SCUBE3: variants seen among roughly 807,000 people sequenced by gnomAD.
SCUBE3 encodes the protein signal peptide, CUB and EGF-like domain-containing protein 3.
A neutral mutation model predicts 116.8 loss-of-function variants in SCUBE3; 33 were observed. The observed-to-expected ratio is 0.28, with a 90% CI of 0.21 to 0.38. SCUBE3 has a LOEUF of 0.38. Ranked by LOEUF, SCUBE3 falls within the 10% of genes least tolerant of loss-of-function variation. The pLI is 1.00. For synonymous variants in SCUBE3, 418 were observed against 496.9 expected (o/e 0.84, Z 2.11); for missense variants, 1,007 against 1,324.8 (o/e 0.76, Z 3.72).
Position 35,244,801 on chromosome 6 carries a change from C to G in SCUBE3, c.2391C>G (p.Ala797=). The G allele has an allele frequency of 6.2e-7, 1 of 1,614,142 alleles. No individual in the cohort carries two copies. Among genetic ancestry groups the G allele is most frequent in the Non-Finnish European group, 8.5e-7 (1 of 1,180,012 alleles). ...ACTTTGATGGCTCTACCAGTGTGGC[C>G]CAATGCAAGAGTACGTGGCAAGCCA... ...STDFDGSTSV[A]QCKNRQCGGE... is the part of the protein sequence containing the mutation. The change falls in exon 18 of 22, where the codon GCC becomes GCG. Residue 797 remains alanine, a synonymous_variant. Coordinates refer to ENST00000274938, the MANE Select transcript of SCUBE3 (RefSeq NM_152753.4). This position sits in a 1 kb window ranked among gnomAD's most constrained non-coding sequence, Gnocchi z 4.3.
At position 35,241,521 on chromosome 6, in the gene SCUBE3, C is replaced by CAGGCCTCTCTCCCCTTCCT; in HGVS notation, c.1196-19_1196-1dup. 1 of 1,539,444 alleles carries CAGGCCTCTCTCCCCTTCCT rather than the reference C, an allele frequency of 6.5e-7. No homozygotes were observed. Among genetic ancestry groups the CAGGCCTCTCTCCCCTTCCT allele is most frequent in the South Asian group, 1.1e-5 (1 of 89,502 alleles). ...AGGGAAAGGAATGCATTCATTTGCTCAGGCCTCTCTCCCCTTCCTAGAGCC... is the reference window on the plus strand; with the variant it reads ...AGGGAAAGGAATGCATTCATTTGCTCAGGCCTCTCTCCCCTTCCTAGGCCTCTCTCCCCTTCCTAGAGCC... On this transcript the variant is annotated intron_variant, in intron 10 of 21. Coordinates refer to ENST00000274938, the MANE Select transcript of SCUBE3 (RefSeq NM_152753.4). This position sits in a 1 kb window ranked among gnomAD's most constrained non-coding sequence, Gnocchi z 4.1.
rs370525415 is a variant in SCUBE3 at position 35,231,151 on chromosome 6, G to C, written c.335-574G>C. 6.6e-6 allele frequency among the ~76,000 whole-genome samples: 1 copy of C among 152,146 alleles called. No individual in the cohort carries two copies. Among genetic ancestry groups the C allele is most frequent in the African/African-American group, 2.4e-5 (1 of 41,426 alleles). Reference sequence around the variant, plus strand: ...TATGGCAGCAAGCCCAGGCACAGGGGGGAGGGGAGGAAGGACAGGGCTGTG... The same window carrying C: ...TATGGCAGCAAGCCCAGGCACAGGGCGGAGGGGAGGAAGGACAGGGCTGTG... On this transcript the variant is annotated intron_variant, in intron 3 of 21. Coordinates refer to ENST00000274938, the MANE Select transcript of SCUBE3 (RefSeq NM_152753.4). This position sits in a 1 kb window ranked among gnomAD's most constrained non-coding sequence, Gnocchi z 4.2.
chr6:35,240,449 G>A lies in SCUBE3; in HGVS notation c.1028G>A (p.Cys343Tyr). 2 of 1,609,944 alleles carry A rather than the reference G, an allele frequency of 1.2e-6. No homozygotes were observed. Among genetic ancestry groups the A allele is most frequent in the South Asian group, 1.1e-5 (1 of 90,398 alleles). Residue 343 changes from cysteine to tyrosine, a missense_variant, in exon 9 of 22, where the codon TGC becomes TAC. This residue lies in a region of SCUBE3 where 214 missense variants were observed against 316.7 expected (regional missense o/e 0.68). Transcript: ENST00000274938. The surrounding 1 kb of genome is among the most constrained non-coding windows in gnomAD (Gnocchi z 4.6). ...VNTPGSFQCL[C>Y]HRGYLLYGIT... Reference sequence around the variant, plus strand: ...ACACCAGGAAGCTTCCAGTGTCTCTGCCATCGTGGCTACCTGTTGTATGGT... The same window carrying A: ...ACACCAGGAAGCTTCCAGTGTCTCTACCATCGTGGCTACCTGTTGTATGGT...
chr6:35,247,158 C>T (rs1313964676), intron 21 of SCUBE3, among the ~76,000 whole-genome samples: 4 of 152,004 alleles, frequency 2.6e-5, no homozygotes, highest in Non-Finnish European at 4.4e-5. Context: ...AGTCTGGCTG[C>T]GCATGGTGGA....
At position 35,241,037 on chromosome 6, in the gene SCUBE3, C is replaced by G. The variant is rs1031270086; in HGVS notation, c.1070-104C>G. 1 of 1,092,330 alleles carries G rather than the reference C, an allele frequency of 9.2e-7. No individual in the cohort carries two copies. 67.7% of individuals were successfully genotyped at this position (1,092,330 alleles called of 1,614,324 possible). On this transcript the variant is annotated intron_variant, in intron 9 of 21. Coordinates refer to ENST00000274938, the MANE Select transcript of SCUBE3 (RefSeq NM_152753.4). The surrounding 1 kb of genome is among the most constrained non-coding windows in gnomAD (Gnocchi z 4.1). Reference sequence around the variant, plus strand: ...TCGAACTTATTCATCTTGCGTAATGCAGGGTACCTGAAACTCTAACCAAAG... The same window carrying G: ...TCGAACTTATTCATCTTGCGTAATGGAGGGTACCTGAAACTCTAACCAAAG...
chr6:35,230,715 C>G (rs1783512141), intron 3 of SCUBE3, among the ~76,000 whole-genome samples: 1 of 152,234 alleles, frequency 6.6e-6, no homozygotes, highest in Non-Finnish European at 1.5e-5. Flanking sequence ...CAAGAGCCAG[C>G]TGGATCTGGG....
intron 13 of SCUBE3, 34 bp downstream of exon 13, chr6:35,242,354 C>A: frequency 1.4e-6 from 2 of 1,434,456 alleles, no homozygotes; most frequent in South Asian, 1.1e-5. Context: ...AGTTGGCTGT[C>A]TGGCCACTAA....
Position 35,235,211 on chromosome 6 carries a change from T to C in SCUBE3, c.712+1910T>C, listed in dbSNP as rs1301925594. Among the ~76,000 whole-genome samples, 1 of 152,192 alleles carries C rather than the reference T, an allele frequency of 6.6e-6. No homozygotes were observed. Among genetic ancestry groups the C allele is most frequent in the Non-Finnish European group, 1.5e-5 (1 of 68,030 alleles). On this transcript the variant is annotated intron_variant, in intron 6 of 21. Transcript: ENST00000274938. This position sits in a 1 kb window ranked among gnomAD's most constrained non-coding sequence, Gnocchi z 4.5. Reference sequence around the variant, plus strand: ...GTACTGGGCACATGGTTGGTTGCCCTTTCTGAGACTGTTTCAGTTTTTCAG... The same window carrying C: ...GTACTGGGCACATGGTTGGTTGCCCCTTCTGAGACTGTTTCAGTTTTTCAG...
At chr6:35,220,417 A>G (rs2150284045) in intron 1 of SCUBE3, 1 of 152,300 alleles carries the variant, frequency 6.6e-6, no homozygotes, top group Non-Finnish European at 1.5e-5. Flanking sequence ...AGATAATATT[A>G]CTAATCACAA....
chr6:35,247,216 C>T (rs1318461970), intron 21 of SCUBE3, among the ~76,000 whole-genome samples: 1 of 151,972 alleles, frequency 6.6e-6, no homozygotes, highest in Non-Finnish European at 1.5e-5. Flanking sequence ...GGGTGGATCG[C>T]CTGAGGTCAG....
Position 35,243,339 on chromosome 6 carries a change from G to T in SCUBE3, c.1909+103G>T. ...CTCAGATGCATTTCTCAAATTATGA[G>T]GCAGCCAGGATGCTCCTGCCCGCTG... On this transcript the variant is annotated intron_variant, in intron 15 of 21. Coordinates refer to ENST00000274938, the MANE Select transcript of SCUBE3 (RefSeq NM_152753.4). This position sits in a 1 kb window ranked among gnomAD's most constrained non-coding sequence, Gnocchi z 6.6. 9.4e-7 allele frequency: 1 copy of T among 1,069,100 alleles called. No homozygotes were observed. The highest frequency in any genetic ancestry group is 1.4e-5 in the South Asian group (1 of 72,520). 66.2% of individuals were successfully genotyped at this position (1,069,100 alleles called of 1,614,324 possible). A position where few individuals can be genotyped will look rare whatever the true frequency, so the allele number is the denominator to read the frequency against.
intron 6 of SCUBE3, among the ~76,000 whole-genome samples, chr6:35,236,420 G>A (rs1231705127): frequency 6.6e-6 from 1 of 152,196 alleles, no homozygotes; most frequent in Non-Finnish European, 1.5e-5. Context: ...CTGCTCCTGG[G>A]CTTAGTGGAC....
rs984190837 is a variant in SCUBE3 at position 35,240,204 on chromosome 6, G to T, written c.953-170G>T. Among the ~76,000 whole-genome samples the T allele has an allele frequency of 6.6e-6, 1 of 152,146 alleles. No individual in the cohort carries two copies. The highest frequency in any genetic ancestry group is 2.4e-5 in the African/African-American group (1 of 41,426). ...AATTCCAAGGACTTCAAATAGAGGGGGCAGAGAAGATGGAATGGCATTGTT... is the reference window on the plus strand; with the variant it reads ...AATTCCAAGGACTTCAAATAGAGGGTGCAGAGAAGATGGAATGGCATTGTT... On this transcript the variant is annotated intron_variant, in intron 8 of 21. Transcript: ENST00000274938. The surrounding 1 kb of genome is among the most constrained non-coding windows in gnomAD (Gnocchi z 4.6).
At chr6:35,247,703 A>T (rs915470403) in intron 21 of SCUBE3, among the ~76,000 whole-genome samples, 1 of 152,200 alleles carries the variant, frequency 6.6e-6, no homozygotes, top group Non-Finnish European at 1.5e-5. Flanking sequence ...AGCTGTTCTG[A>T]TTAAAGTGGG....
rs982407483 is a variant in SCUBE3 at position 35,237,922 on chromosome 6, G to A, written c.733G>A (p.Gly245Arg). The change falls in exon 7 of 22, where the codon GGG (glycine) becomes AGG (arginine). Residue 245 changes from glycine (G) to arginine (R), a missense_variant. Transcript: ENST00000274938. ...AACAGAGACCTGTGCTGTCAACAAC[G>A]GGGGCTGTGACAGTAAGTGCCATGA... ...TCIETCAVNN[G>R]GCDSKCHDAA... The A allele has an allele frequency of 7.5e-6, 12 of 1,610,570 alleles. No homozygotes were observed. The highest frequency in any genetic ancestry group is 2.2e-5 in the South Asian group (2 of 90,900).
rs1784210381 is a variant in SCUBE3 at position 35,243,928 on chromosome 6, A to T, written c.2072-35A>T. ...GACCCCATGGGGATGACTCAGGACCATCCCCATCAGAGTTGGGCCCTTGAT... is the reference window on the plus strand; with the variant it reads ...GACCCCATGGGGATGACTCAGGACCTTCCCCATCAGAGTTGGGCCCTTGAT... On this transcript the variant is annotated intron_variant, in intron 16 of 21. Transcript: ENST00000274938. The surrounding 1 kb of genome is among the most constrained non-coding windows in gnomAD (Gnocchi z 6.6). 2 of 1,605,752 alleles carry T rather than the reference A, an allele frequency of 1.2e-6. No individual in the cohort carries two copies. Among genetic ancestry groups the T allele is most frequent in the Non-Finnish European group, 1.7e-6 (2 of 1,174,678 alleles).
At chr6:35,248,440 TG>T in intron 21 of SCUBE3, 115 bp from the exon 22 acceptor site, 2 of 944,030 alleles carry the variant, frequency 2.1e-6, no homozygotes, top group Admixed American at 2.0e-5. Flanking sequence ...AGTTGCCCTC[TG>T]GATATATTCA....
At position 35,233,163 on chromosome 6, in the gene SCUBE3, G is replaced by T; in HGVS notation, c.596-22G>T. On this transcript the variant is annotated intron_variant, in intron 5 of 21. Transcript: ENST00000274938. This position sits in a 1 kb window ranked among gnomAD's most constrained non-coding sequence, Gnocchi z 5.7. ...ATGCAGGGAGGAGCAAGCTGACAGG[G>T]CCCTGTCCTCTCTGTGCACAGTGAC... 6.3e-7 allele frequency: 1 copy of T among 1,576,036 alleles called. No individual in the cohort carries two copies. Among genetic ancestry groups the T allele is most frequent in the Non-Finnish European group, 8.7e-7 (1 of 1,145,986 alleles).
rs890416008 is a variant in SCUBE3, at chr6:35,228,025, A to G, written c.208+323A>G. ...ACCTTTATCTTTAGACCCTTACACC[A>G]CATCCACAATGGATGGGAACAGAAA... On this transcript the variant is annotated intron_variant, in intron 2 of 21. Coordinates refer to ENST00000274938, the MANE Select transcript of SCUBE3 (RefSeq NM_152753.4). The surrounding 1 kb of genome is among the most constrained non-coding windows in gnomAD (Gnocchi z 4.9). Among the ~76,000 whole-genome samples, 2 of 152,182 alleles carry G rather than the reference A, an allele frequency of 1.3e-5. No individual in the cohort carries two copies. Among genetic ancestry groups the G allele is most frequent in the Non-Finnish European group, 2.9e-5 (2 of 68,028 alleles).
Sources: allele counts gnomAD v4.1 joint callset (sites outside exome capture counted in the v4.1 genomes callset), GRCh38; gene constraint gnomAD v4.1.1; regional missense constraint gnomAD v4.1.1; non-coding constraint Gnocchi (gnomAD v3.1); transcripts MANE v1.5; gene names NCBI Gene and HGNC (gene_info 2026-07-23, HGNC 2026-07-21).